Variants in PHRF1 observed in about 807,000 individuals in gnomAD.
PHRF1 encodes PHD and RING finger domain-containing protein 1.
In PHRF1, 53 loss-of-function variants were observed where a neutral mutation model predicts 128.9. The observed-to-expected ratio is 0.41, with a 90% CI of 0.33 to 0.52. The LOEUF (loss-of-function observed/expected upper bound fraction) is 0.52, where lower values mean the gene tolerates loss of function less well. PHRF1 is among the 20% of genes least tolerant of loss of function. The pLI is 0.21. For missense variants in PHRF1, 2,503 were observed against 2,284.5 expected (o/e 1.10, Z -1.95); for synonymous variants, 1,178 against 980.6 (o/e 1.20, Z -3.76).
intron 10 of PHRF1, among the ~76,000 whole-genome samples, chr11:604,304 G>A (rs1855817823): frequency 6.6e-6 from 1 of 152,220 alleles, no homozygotes; most frequent in African/African-American, 2.4e-5. Context: ...CAGCCTGGGG[G>A]CCCGATGGCA....
chr11:601,805 G>A (rs1478139634), intron 10 of PHRF1, 104 bp downstream of exon 10: 30 of 1,423,812 alleles, frequency 2.1e-5, no homozygotes, highest in Non-Finnish European at 2.7e-5. Context: ...ACCCTCGCGC[G>A]GTTATGGAGC....
intron 1 of PHRF1, among the ~76,000 whole-genome samples, chr11:578,355 T>C (rs1013915505): frequency 6.6e-6 from 1 of 152,012 alleles, no homozygotes; most frequent in African/African-American, 2.4e-5. Context: ...GGTGGAGGAG[T>C]GTAAGAGGCC....
At chr11:595,151 C>T (rs1210829290) in intron 6 of PHRF1, among the ~76,000 whole-genome samples, 1 of 152,060 alleles carries the variant, frequency 6.6e-6, no homozygotes, top group Non-Finnish European at 1.5e-5. Flanking sequence ...GGCGAAACCC[C>T]GTCTCTACTA....
chr11:577,803 C>T (rs775545119), intron 1 of PHRF1, among the ~76,000 whole-genome samples: 1 of 152,244 alleles, frequency 6.6e-6, no homozygotes, highest in Non-Finnish European at 1.5e-5. Context: ...TTGCAGGCAC[C>T]CCGGACACCA....
At chr11:601,826 A>G (rs545492937) in intron 10 of PHRF1, 125 bp downstream of exon 10, 135 of 1,231,052 alleles carry the variant, frequency 1.1e-4, no homozygotes, top group Admixed American at 1.8e-4. Flanking sequence ...AGGGATCATC[A>G]TCGTCTTTGC....
At chr11:587,552 G>A in intron 4 of PHRF1, 88 bp downstream of exon 4, 1 of 1,366,840 alleles carries the variant, frequency 7.3e-7, no homozygotes, top group Non-Finnish European at 1.0e-6. Context: ...CCTCTTGTGA[G>A]GTTCTAGTTG....
chr11:582,229 T>C, intron 3 of PHRF1, 148 bp downstream of exon 3: 1 of 1,170,140 alleles, frequency 8.5e-7, no homozygotes, highest in Non-Finnish European at 1.2e-6. Flanking sequence ...TATTCAGCTG[T>C]GGTGACGGCT....
At chr11:581,009 A>T (rs1318790432) in intron 1 of PHRF1, among the ~76,000 whole-genome samples, 1 of 151,164 alleles carries the variant, frequency 6.6e-6, no homozygotes. Context: ...TTTTTAGTAG[A>T]GATGGGGTTT....
rs571895241 is a variant in PHRF1, at chr11:610,707, G to C, written c.4623G>C (p.Ser1541=). 1.9e-6 allele frequency: 3 copies of C among 1,603,176 alleles called. No homozygotes were observed. Among genetic ancestry groups the C allele is most frequent in the African/African-American group, 1.3e-5 (1 of 75,004 alleles). ...GTCAAGCCACTGCAGCCAGCAACTC[G>C]GAGGAGAAGACCCCGGCCCCCAGGC... is the stretch of plus-strand genomic sequence containing the variant. ...PASQATAASN[S]EEKTPAPRLA... is the part of the protein sequence containing the mutation. Residue 1541 remains serine (S), a synonymous_variant, in exon 16 of 18, where the codon TCG becomes TCC. Transcript: ENST00000264555.
chr11:576,747 TGG>T (rs751140101), intron 1 of PHRF1, among the ~76,000 whole-genome samples, 155 bp downstream of exon 1: 17,546 of 139,440 alleles, frequency 0.13, 2,714 homozygotes, highest in Admixed American at 0.17. Context: ...GCGCGCGCGC[TGG>T]GAGGCCCCGC....
intron 1 of PHRF1, 27 bp from the exon 2 acceptor site, chr11:581,465 A>G: frequency 1.2e-6 from 2 of 1,603,638 alleles, no homozygotes; most frequent in Non-Finnish European, 1.7e-6. Flanking sequence ...GACAGTTTGG[A>G]AGTTGCTTGG....
rs747739682 is a variant in PHRF1, at chr11:605,655, G to A, written c.1385G>A (p.Arg462Gln). 14 of 1,613,550 alleles carry A rather than the reference G, an allele frequency of 8.7e-6. No homozygotes were observed. The highest frequency in any genetic ancestry group is 1.1e-5 in the Non-Finnish European group (13 of 1,179,892). ...CTTTCCCCTCTGAGTGCCAAGAGAC[G>A]GGCTCTGTCCCGGTCAGCCCTGCAG... Reference protein sequence around the residue: ...NPLSPLSAKRRALSRSALQSH... With the variant: ...NPLSPLSAKRQALSRSALQSH... The change falls in exon 12 of 18, where the codon CGG becomes CAG. Residue 462 changes from arginine (R) to glutamine (Q), a missense_variant. Transcript: ENST00000264555.
chr11:597,624 C>G lies in PHRF1; in HGVS notation c.894+54C>G. ...TAGAACCCCAGCTGCCCAGAGTGAT[C>G]TCGGCAGTCTGGGTGGGTGGGAGGG... On this transcript the variant is annotated intron_variant, in intron 8 of 17. Transcript: ENST00000264555. The surrounding 1 kb of genome is among the most constrained non-coding windows in gnomAD (Gnocchi z 6.5). 5 of 1,535,744 alleles carry G rather than the reference C, an allele frequency of 3.3e-6. No homozygotes were observed. Among genetic ancestry groups the G allele is most frequent in the Non-Finnish European group, 4.4e-6 (5 of 1,137,318 alleles).
At position 581,621 on chromosome 11, in the gene PHRF1, G is replaced by GC. The variant is rs1182267086; in HGVS notation, c.94+17dup. 16 of 1,605,456 alleles carry GC rather than the reference G, an allele frequency of 1.0e-5. No individual in the cohort carries two copies. Among genetic ancestry groups the GC allele is most frequent in the Non-Finnish European group, 1.4e-5 (16 of 1,174,964 alleles). On this transcript the variant is annotated intron_variant, in intron 2 of 17. Transcript: ENST00000264555. The stretch of plus-strand genomic sequence containing the variant: ...AGGTGACTTTGGTGAGCTGCCTAGC[G>GC]CCGGGTAGGGGCGTCCCCAGGAGGA...
At chr11:603,050 G>A (rs986291257) in intron 10 of PHRF1, among the ~76,000 whole-genome samples, 7 of 151,468 alleles carry the variant, frequency 4.6e-5, no homozygotes, top group Non-Finnish European at 4.4e-5. Context: ...GTGAGCCACC[G>A]TGCCCAGCCT....
chr11:589,944 G>A (rs868153285), intron 4 of PHRF1, among the ~76,000 whole-genome samples: 115 of 141,902 alleles, frequency 8.1e-4, no homozygotes, highest in African/African-American at 3.3e-3. Flanking sequence ...AAACGGGCAC[G>A]GAGCGTGCGG....
At chr11:592,520 T>C (rs1241983695) in intron 5 of PHRF1, 39 bp from the exon 6 acceptor site, 2 of 1,586,904 alleles carry the variant, frequency 1.3e-6, no homozygotes, top group South Asian at 1.1e-5. Flanking sequence ...TGCGGGGAGT[T>C]TGGGTCCTGT....
rs1290411881 is a variant in PHRF1 at position 597,010 on chromosome 11, C to T, written c.708C>T (p.Val236=). Residue 236 remains valine, a synonymous_variant, in exon 7 of 18, where the codon GTC becomes GTT. Transcript: ENST00000264555. This position sits in a 1 kb window ranked among gnomAD's most constrained non-coding sequence, Gnocchi z 6.5. ...CGGAATGTGCTGCGCCTGGTGTTGT[C>T]CTTGCCGCTGGTAAGGACACTGCTC... ...FCPECAAPGV[V]LAADAGPVSE... is the part of the protein sequence containing the mutation. 5 of 1,613,686 alleles carry T rather than the reference C, an allele frequency of 3.1e-6. No homozygotes were observed. In the South Asian group the frequency reaches 5.5e-5, roughly 18 times the overall value.
chr11:579,669 C>T (rs915622317), intron 1 of PHRF1, among the ~76,000 whole-genome samples: 32 of 152,166 alleles, frequency 2.1e-4, no homozygotes, highest in African/African-American at 7.7e-4. Context: ...GTGCAGACTG[C>T]CTTGAGCGGG....
Sources: gnomAD v4.1 joint callset for allele counts (sites outside exome capture counted in the v4.1 genomes callset) on GRCh38, gnomAD v4.1.1 for gene constraint, Gnocchi (gnomAD v3.1) non-coding constraint, MANE v1.5 for transcripts, NCBI Gene and HGNC (gene_info 2026-07-23, HGNC 2026-07-21) for gene names.